Variants in CYTIP observed in about 807,000 individuals in gnomAD.
The protein encoded by CYTIP is cytohesin 1 interacting protein.
In CYTIP, 26 loss-of-function variants were observed where a neutral mutation model predicts 43.8. The observed-to-expected ratio is 0.59, with a 90% CI of 0.44 to 0.82. The LOEUF (loss-of-function observed/expected upper bound fraction) is 0.82. Among genes scored for constraint, CYTIP ranks in the 40% least tolerant of loss-of-function variants. The pLI, the probability that CYTIP is intolerant of heterozygous loss-of-function variation, is 0.00. For synonymous variants in CYTIP, 162 were observed against 162.9 expected (o/e 0.99, Z 0.04); for missense variants, 426 against 443.1 (o/e 0.96, Z 0.35).
At chr2:157,441,795 T>TC (rs1464113418) in intron 1 of CYTIP, among the ~76,000 whole-genome samples, 1 of 152,126 alleles carries the variant, frequency 6.6e-6, no homozygotes, top group Admixed American at 6.5e-5. Context: ...AGCCTTTCAG[T>TC]CTCCTTTCTG....
intron 7 of CYTIP, among the ~76,000 whole-genome samples, chr2:157,417,450 G>C (rs1452428894): frequency 6.6e-6 from 1 of 152,130 alleles, no homozygotes; most frequent in Non-Finnish European, 1.5e-5. Context: ...AGAACAGCAA[G>C]AATTTATATT....
chr2:157,443,370 G>C (rs1296321817), intron 1 of CYTIP, among the ~76,000 whole-genome samples: 1 of 152,076 alleles, frequency 6.6e-6, no homozygotes, highest in African/African-American at 2.4e-5. Flanking sequence ...CCAATAGCCT[G>C]AGGTATGTGC....
chr2:157,426,375 T>C (rs558418704), intron 6 of CYTIP, among the ~76,000 whole-genome samples: 112 of 152,260 alleles, frequency 7.4e-4, no homozygotes, highest in African/African-American at 2.6e-3. Flanking sequence ...ATTCTATAAA[T>C]TGATTTAACA....
In CYTIP at chr2:157,415,434, G is replaced by A; in HGVS notation, c.*243C>T. 1 of 415,704 alleles carries A rather than the reference G, an allele frequency of 2.4e-6. No individual in the cohort carries two copies. The highest frequency in any genetic ancestry group is 4.4e-6 in the Non-Finnish European group (1 of 229,210). The allele number at this position is 415,704 out of a possible 1,614,324, so 25.8% of individuals were successfully genotyped here. A position where few individuals can be genotyped will look rare whatever the true frequency, so the allele number is the denominator to read the frequency against. On this transcript the variant is annotated 3_prime_UTR_variant, in exon 8 of 8. Transcript: ENST00000264192. ...ACATTACTGGAATGAGCAGGAACCT[G>A]CATCTTTGTTATATTAATTAACTTA...
chr2:157,437,116 G>A (rs1685821175), intron 1 of CYTIP, among the ~76,000 whole-genome samples: 1 of 152,006 alleles, frequency 6.6e-6, no homozygotes, highest in Admixed American at 6.5e-5. Context: ...AAAACTACTG[G>A]AATAAAACAT....
rs959930171 is a variant in CYTIP at position 157,430,652 on chromosome 2, C to G, written c.383G>C (p.Gly128Ala). ...SPAHCAGLQA[G>A]DVLANINGVS... The stretch of plus-strand genomic sequence containing the variant: ...ACCATTGATATTTGCAAGGACATCA[C>G]CTGGGAGATGCCAAGAAAAATGAGT... Residue 128 changes from glycine (G) to alanine (A), a missense_variant and splice_region_variant, in exon 5 of 8, where the codon GGT becomes GCT. By Grantham distance (60) the Gly-to-Ala change is moderately conservative (BLOSUM62 0). Coordinates refer to ENST00000264192, the MANE Select transcript of CYTIP (RefSeq NM_004288.5). 6.8e-6 allele frequency: 11 copies of G among 1,613,828 alleles called. No individual in the cohort carries two copies. Among genetic ancestry groups the G allele is most frequent in the Non-Finnish European group, 8.5e-6 (10 of 1,179,858 alleles).
chr2:157,434,189 G>A, intron 3 of CYTIP, 181 bp downstream of exon 3: 1 of 641,576 alleles, frequency 1.6e-6, no homozygotes, highest in Non-Finnish European at 2.8e-6. Context: ...CATCTTCAAT[G>A]TTTTCTTTCC....
chr2:157,444,053 TTGAGTGGCCTTGCAGGA>T lies in CYTIP; in HGVS notation c.-50_-34del, dbSNP rs746544178. 1.9e-5 allele frequency: 31 copies of T among 1,605,076 alleles called. No individual in the cohort carries two copies. Among genetic ancestry groups the T allele is most frequent in the Non-Finnish European group, 2.5e-5 (29 of 1,174,698 alleles). On this transcript the variant is annotated 5_prime_UTR_variant, in exon 1 of 8. Coordinates refer to ENST00000264192, the MANE Select transcript of CYTIP (RefSeq NM_004288.5). The stretch of plus-strand genomic sequence containing the variant: ...AAAGATCACTCCAGCTAGCACATGG[TTGAGTGGCCTTGCAGGA>T]TGGGGGAAGCTAAAAGTACAACTGT...
rs1360919931 is a variant in CYTIP at position 157,420,634 on chromosome 2, G to C, written c.547-2045C>G. ...CTACTGCACTCCAGCATGGGCAATAGGGTAAGACCCTGCCACAAAAAAAAA... is the reference window on the plus strand; with the variant it reads ...CTACTGCACTCCAGCATGGGCAATACGGTAAGACCCTGCCACAAAAAAAAA... On this transcript the variant is annotated intron_variant, in intron 6 of 7. Coordinates refer to ENST00000264192, the MANE Select transcript of CYTIP (RefSeq NM_004288.5). 3.4e-5 allele frequency among the ~76,000 whole-genome samples: 4 copies of C among 116,254 alleles called. No individual in the cohort carries two copies. The East Asian group carries it at 1.1e-3, about 31-fold the overall frequency. The allele number at this position is 116,254 out of a possible 152,430, so 76.3% of individuals were successfully genotyped here. A position where few individuals can be genotyped will look rare whatever the true frequency, so the allele number is the denominator to read the frequency against.
In CYTIP at chr2:157,430,965, G is replaced by A. The variant is rs1283646994; in HGVS notation, c.280-3C>T. ...TTCTGATTCTGGGGCCTGTAAGACTGTAAAAATTAAGATGATATATAGTTA... is the reference window on the plus strand; with the variant it reads ...TTCTGATTCTGGGGCCTGTAAGACTATAAAAATTAAGATGATATATAGTTA... On this transcript the variant is annotated splice_region_variant and splice_polypyrimidine_tract_variant and intron_variant, in intron 3 of 7. Coordinates refer to ENST00000264192, the MANE Select transcript of CYTIP (RefSeq NM_004288.5). 3 of 1,597,980 alleles carry A rather than the reference G, an allele frequency of 1.9e-6. No individual in the cohort carries two copies. Among genetic ancestry groups the A allele is most frequent in the African/African-American group, 2.7e-5 (2 of 73,832 alleles).
rs1685696457 is a variant in CYTIP at position 157,430,571 on chromosome 2, C to T, written c.464G>A (p.Gly155Glu). Reference sequence around the variant, plus strand: ...GACAGATAGTTACGTTAGCAGGTTTCCGGACGATCTGATCAGGTCAACGAC... The same window carrying T: ...GACAGATAGTTACGTTAGCAGGTTTTCGGACGATCTGATCAGGTCAACGAC... ...KQVVDLIRSSGNLLTIETLNG... is the reference protein window; with the variant it reads ...KQVVDLIRSSENLLTIETLNG... Residue 155 changes from glycine to glutamate, a missense_variant, in exon 5 of 8, where the codon GGA becomes GAA. Physicochemically the swap from Gly to Glu is moderately conservative, Grantham distance 98 (BLOSUM62 -2). Coordinates refer to ENST00000264192, the MANE Select transcript of CYTIP (RefSeq NM_004288.5). The T allele has an allele frequency of 6.2e-7, 1 of 1,613,984 alleles. No homozygotes were observed. Among genetic ancestry groups the T allele is most frequent in the South Asian group, 1.1e-5 (1 of 91,090 alleles).
chr2:157,443,867 G>A lies in CYTIP; in HGVS notation c.154C>T (p.Leu52=). ...IQMLADTVAT[L]PRGRKQLALT... is the part of the protein sequence containing the mutation. Reference sequence around the variant, plus strand: ...CATACCTGCTTTCGTCCCCGAGGCAGAGTAGCCACCGTGTCTGCTAGCATT... The same window carrying A: ...CATACCTGCTTTCGTCCCCGAGGCAAAGTAGCCACCGTGTCTGCTAGCATT... The change falls in exon 1 of 8, where the codon CTG becomes TTG. Residue 52 remains leucine, a synonymous_variant. Coordinates refer to ENST00000264192, the MANE Select transcript of CYTIP (RefSeq NM_004288.5). 1.2e-6 allele frequency: 2 copies of A among 1,614,116 alleles called. No individual in the cohort carries two copies. The highest frequency in any genetic ancestry group is 4.5e-5 in the East Asian group (2 of 44,888).
intron 2 of CYTIP, 44 bp downstream of exon 2, chr2:157,434,654 C>T: frequency 6.9e-7 from 1 of 1,452,698 alleles, no homozygotes; most frequent in Non-Finnish European, 9.6e-7. Flanking sequence ...GAGCTATGTT[C>T]CTAAATATTT....
At chr2:157,431,834 T>C (rs1218384468) in intron 3 of CYTIP, among the ~76,000 whole-genome samples, 1 of 152,212 alleles carries the variant, frequency 6.6e-6, no homozygotes, top group Non-Finnish European at 1.5e-5. Context: ...AAAAAATTGA[T>C]GTCTGATGTT....
Position 157,415,581 on chromosome 2 carries a change from T to C in CYTIP, c.*96A>G. 1.3e-6 allele frequency: 1 copy of C among 768,802 alleles called. No homozygotes were observed. Among genetic ancestry groups the C allele is most frequent in the South Asian group, 1.8e-5 (1 of 56,290 alleles). The allele number at this position is 768,802 out of a possible 1,614,324, so 47.6% of individuals were successfully genotyped here. ...CTATTGCTGTGAAATGGGATGTCAG[T>C]TTTGCAATTCTTCTGCACTTTCCCA... On this transcript the variant is annotated 3_prime_UTR_variant, in exon 8 of 8. Transcript: ENST00000264192.
At chr2:157,425,967 A>G (rs1025202470) in intron 6 of CYTIP, among the ~76,000 whole-genome samples, 1 of 152,018 alleles carries the variant, frequency 6.6e-6, no homozygotes, top group African/African-American at 2.4e-5. Flanking sequence ...TAATTGAGCT[A>G]AAGGGGCAAA....
At position 157,443,976 on chromosome 2, in the gene CYTIP, C is replaced by G; in HGVS notation, c.45G>C (p.Leu15Phe). The G allele has an allele frequency of 6.2e-7, 1 of 1,614,062 alleles. No individual in the cohort carries two copies. The highest frequency in any genetic ancestry group is 1.3e-5 in the African/African-American group (1 of 75,038). The change falls in exon 1 of 8, where the codon TTG becomes TTC. Residue 15 changes from leucine to phenylalanine, a missense_variant. By Grantham distance (22) the Leu-to-Phe change is conservative (BLOSUM62 0). Transcript: ENST00000264192. ...RLLQHSSNGN[L>F]ADFCAGPAYS... ...ACGCTGGCCCAGCGCAGAAGTCCGC[C>G]AAATTGCCATTGCTGCTGTGTTGCA...
chr2:157,418,680 T>C, intron 6 of CYTIP, 91 bp from the exon 7 acceptor site: 1 of 1,220,298 alleles, frequency 8.2e-7, no homozygotes, highest in Non-Finnish European at 1.1e-6. Flanking sequence ...AGATTTGTCA[T>C]TAAATTTTTT....
chr2:157,427,333 T>A lies in CYTIP; in HGVS notation c.546+18A>T. 6.3e-6 allele frequency: 10 copies of A among 1,594,070 alleles called. No individual in the cohort carries two copies. Among genetic ancestry groups the A allele is most frequent in the Non-Finnish European group, 8.5e-6 (10 of 1,170,728 alleles). On this transcript the variant is annotated intron_variant, in intron 6 of 7. Transcript: ENST00000264192. ...TTCAAGGATGAAAAATGTGCCTCAC[T>A]GCATTAAATTAAATTACCTTTAAAA...
Sources: gnomAD v4.1 joint callset for allele counts (sites outside exome capture counted in the v4.1 genomes callset) on GRCh38, gnomAD v4.1.1 for gene constraint, MANE v1.5 for transcripts, NCBI Gene and HGNC (gene_info 2026-07-23, HGNC 2026-07-21) for gene names.